CDH17: variants seen among roughly 807,000 people sequenced by gnomAD.
CDH17 encodes cadherin 17, also known as cadherin-17.
CDH17 carries 67 observed loss-of-function variants against 86.3 expected under a neutral mutation model. The observed-to-expected ratio is 0.78, with a 90% CI of 0.64 to 0.95. The LOEUF is 0.95. Among genes scored for constraint, CDH17 ranks in the 40% least tolerant of loss-of-function variants. CDH17 has a pLI of 0.00. For synonymous variants in CDH17, 367 were observed against 366.4 expected (o/e 1.00, Z -0.02); for missense variants, 993 against 1,017.6 (o/e 0.98, Z 0.33).
rs189703578 is a variant in CDH17, at chr8:94,161,253, C to A, written c.1359+833G>T. On this transcript the variant is annotated intron_variant, in intron 11 of 17. Transcript: ENST00000027335. Reference sequence around the variant, plus strand: ...ATGGGTTATTTGATGCCTGCTGAACCTCAGTGCCTGTTATACAAGACATAT... The same window carrying A: ...ATGGGTTATTTGATGCCTGCTGAACATCAGTGCCTGTTATACAAGACATAT... Among the ~76,000 whole-genome samples, 112 of 152,268 alleles carry A rather than the reference C, an allele frequency of 7.4e-4. 1 individual carries two copies. In the Middle Eastern group the frequency reaches 0.037, roughly 51 times the overall value.
intron 7 of CDH17, 28 bp downstream of exon 7, chr8:94,173,769 C>G (rs1354604169): frequency 2.5e-6 from 4 of 1,578,796 alleles, no homozygotes; most frequent in Middle Eastern, 1.8e-4. Context: ...CTAGTTGGCT[C>G]TCAGTGTTAC....
At chr8:94,205,942 G>T (rs534290455) in intron 1 of CDH17, among the ~76,000 whole-genome samples, 1 of 152,152 alleles carries the variant, frequency 6.6e-6, no homozygotes, top group Non-Finnish European at 1.5e-5. Flanking sequence ...CTTTAGCTTA[G>T]ATGTTAAGGG....
chr8:94,174,263 G>A lies in CDH17; in HGVS notation c.425-3C>T, dbSNP rs773820950. 5 of 1,523,694 alleles carry A rather than the reference G, an allele frequency of 3.3e-6. No individual in the cohort carries two copies. The highest frequency in any genetic ancestry group is 1.4e-5 in the African/African-American group (1 of 69,416). 94.4% of individuals were successfully genotyped at this position (1,523,694 alleles called of 1,614,324 possible). ...ATTGACATACAAGAAGGGCTTTCCTGTTTAACAAGACGTACCCAGAAAAAA... is the reference window on the plus strand; with the variant it reads ...ATTGACATACAAGAAGGGCTTTCCTATTTAACAAGACGTACCCAGAAAAAA... On this transcript the variant is annotated splice_polypyrimidine_tract_variant and splice_region_variant and intron_variant, in intron 5 of 17. Transcript: ENST00000027335.
Position 94,189,374 on chromosome 8 carries a change from A to C in CDH17, c.52-89T>G, listed in dbSNP as rs1813642876. The C allele has an allele frequency of 3.5e-6, 3 of 863,184 alleles. No individual in the cohort carries two copies. In the Admixed American group the frequency reaches 7.3e-5, roughly 21 times the overall value. The allele number at this position is 863,184 out of a possible 1,614,324, so 53.5% of individuals were successfully genotyped here. ...ATTAGGGCTTCCAGCACCAATATAC[A>C]AAACATAGGATTCTATCATGGCTGA... On this transcript the variant is annotated intron_variant, in intron 2 of 17. Coordinates refer to ENST00000027335, the MANE Select transcript of CDH17 (RefSeq NM_004063.4).
At chr8:94,141,852 C>A (rs933447993) in intron 15 of CDH17, among the ~76,000 whole-genome samples, 1 of 152,056 alleles carries the variant, frequency 6.6e-6, no homozygotes. Flanking sequence ...TAGAAAGGAA[C>A]AGGCTACATT....
chr8:94,158,004 G>A (rs1812978627), intron 12 of CDH17, among the ~76,000 whole-genome samples: 1 of 152,276 alleles, frequency 6.6e-6, no homozygotes, highest in East Asian at 1.9e-4. Context: ...CCAGGGCTCA[G>A]TTCTGTTCTG....
chr8:94,214,339 G>T (rs1814164994), intron 1 of CDH17, among the ~76,000 whole-genome samples: 1 of 152,162 alleles, frequency 6.6e-6, no homozygotes, highest in African/African-American at 2.4e-5. Context: ...TTCTGTGCCT[G>T]TGGGTCTCTC....
At chr8:94,193,140 A>G (rs1308185225) in intron 2 of CDH17, among the ~76,000 whole-genome samples, 1 of 152,198 alleles carries the variant, frequency 6.6e-6, no homozygotes, top group Non-Finnish European at 1.5e-5. Flanking sequence ...CACTCTAGAT[A>G]GAAATCCCAC....
chr8:94,133,746 G>C (rs1812465883), intron 15 of CDH17, among the ~76,000 whole-genome samples: 1 of 152,208 alleles, frequency 6.6e-6, no homozygotes, highest in Non-Finnish European at 1.5e-5. Context: ...GGTTTTCAAA[G>C]AGAAGACTTC....
At chr8:94,133,913 CAT>C (rs1384075854) in intron 15 of CDH17, among the ~76,000 whole-genome samples, 1 of 152,148 alleles carries the variant, frequency 6.6e-6, no homozygotes, top group African/African-American at 2.4e-5. Context: ...TTGAGATAAT[CAT>C]GTGATTTTTG....
upstream of CDH17, among the ~76,000 whole-genome samples, chr8:94,212,034 C>G (rs931645118): frequency 3.3e-5 from 5 of 152,220 alleles, no homozygotes; most frequent in Non-Finnish European, 7.3e-5. Context: ...TGAAGTGAAA[C>G]TAATTTTCTG....
At chr8:94,189,522 C>T (rs977267862) in intron 2 of CDH17, among the ~76,000 whole-genome samples, 1 of 152,184 alleles carries the variant, frequency 6.6e-6, no homozygotes, top group African/African-American at 2.4e-5. Context: ...TGAGAAGAAT[C>T]ACTCTATGAG....
rs372980907 is a variant in CDH17 at position 94,177,767 on chromosome 8, A to G, written c.151-46T>C. The G allele has an allele frequency of 2.0e-5, 32 of 1,582,232 alleles. No homozygotes were observed. The African/African-American group carries it at 3.1e-4, about 15-fold the overall frequency. On this transcript the variant is annotated intron_variant, in intron 3 of 17. Transcript: ENST00000027335. ...AGATTAAGTTGTAAGGGAAAAAACA[A>G]TGTTGTGGAATTTGTAGAAAGTCAC... is the stretch of plus-strand genomic sequence containing the variant.
At chr8:94,145,250 A>G (rs1812718161) in intron 15 of CDH17, among the ~76,000 whole-genome samples, 1 of 152,204 alleles carries the variant, frequency 6.6e-6, no homozygotes, top group Non-Finnish European at 1.5e-5. Flanking sequence ...GTTACAATCA[A>G]CAGGTGAACA....
chr8:94,160,843 A>C (rs898467552), intron 11 of CDH17, among the ~76,000 whole-genome samples: 1 of 152,204 alleles, frequency 6.6e-6, no homozygotes, highest in African/African-American at 2.4e-5. Flanking sequence ...ACTTACGAGG[A>C]GCAAAGGCTT....
At chr8:94,158,796 A>G (rs2130615285) in intron 12 of CDH17, among the ~76,000 whole-genome samples, 1 of 152,310 alleles carries the variant, frequency 6.6e-6, no homozygotes, top group Non-Finnish European at 1.5e-5. Context: ...TAACAGTAGG[A>G]TCACAATTCC....
rs1354723082 is a variant in CDH17 at position 94,145,994 on chromosome 8, G to C, written c.2101C>G (p.Pro701Ala). 1 of 1,613,786 alleles carries C rather than the reference G, an allele frequency of 6.2e-7. No individual in the cohort carries two copies. The highest frequency in any genetic ancestry group is 8.5e-7 in the Non-Finnish European group (1 of 1,179,870). ...CTGCCGAGGGAAAATGTAAAATGGG[G>C]ACCCCGAAATAAGTGCTGATCATCA... The part of the protein sequence containing the change: ...TDDDQHLFRG[P>A]HFTFSLGSGS... Residue 701 changes from proline (P) to alanine (A), a missense_variant, in exon 15 of 18, where the codon CCC (proline) becomes GCC (alanine). Physicochemically the swap from Pro to Ala is conservative, Grantham distance 27 (BLOSUM62 -1). Coordinates refer to ENST00000027335, the MANE Select transcript of CDH17 (RefSeq NM_004063.4).
chr8:94,153,775 C>T (rs978274947), intron 12 of CDH17, among the ~76,000 whole-genome samples: 8 of 152,054 alleles, frequency 5.3e-5, no homozygotes, highest in Admixed American at 2.0e-4. Flanking sequence ...GAAGATATTA[C>T]GGTAAGTGAA....
chr8:94,210,145 A>T (rs1457403704), upstream of CDH17, among the ~76,000 whole-genome samples: 1 of 145,248 alleles, frequency 6.9e-6, no homozygotes, highest in Non-Finnish European at 1.5e-5. Context: ...CGGGACTGCA[A>T]CCCTGTTCTG....
Sources: gnomAD v4.1 joint callset for allele counts (sites outside exome capture counted in the v4.1 genomes callset) on GRCh38, gnomAD v4.1.1 for gene constraint, MANE v1.5 for transcripts, NCBI Gene and HGNC (gene_info 2026-07-23, HGNC 2026-07-21) for gene names.